Variants in EIF2AK2 observed in about 807,000 individuals in gnomAD.
EIF2AK2 encodes the protein interferon-induced, double-stranded RNA-activated protein kinase.
In EIF2AK2, 40 loss-of-function variants were observed where a neutral mutation model predicts 70.5. The observed-to-expected ratio is 0.57, with a 90% CI of 0.44 to 0.74. The LOEUF (loss-of-function observed/expected upper bound fraction) is 0.74. Ranked by LOEUF, EIF2AK2 falls within the 30% of genes least tolerant of loss-of-function variation. The probability of loss-of-function intolerance (pLI) is 0.00; values close to 1 mark genes in which losing one functional copy is unlikely to be tolerated. For synonymous variants in EIF2AK2, 198 were observed against 220.9 expected (o/e 0.90, Z 0.92); for missense variants, 555 against 644.3 (o/e 0.86, Z 1.50).
intron 12 of EIF2AK2, among the ~76,000 whole-genome samples, chr2:37,120,600 A>C (rs970639810): frequency 1.3e-5 from 2 of 149,846 alleles, no homozygotes; most frequent in Non-Finnish European, 3.0e-5. Context: ...TCAAAATATA[A>C]TAGGCCATTT....
intron 10 of EIF2AK2, among the ~76,000 whole-genome samples, chr2:37,129,794 A>G (rs1674876794): frequency 6.6e-6 from 1 of 152,166 alleles, no homozygotes; most frequent in Non-Finnish European, 1.5e-5. Flanking sequence ...AGGAAGGGAC[A>G]TCCTACACAA....
At chr2:37,126,171 T>C (rs2148683870) in intron 11 of EIF2AK2, 118 bp downstream of exon 11, 7 of 1,334,182 alleles carry the variant, frequency 5.2e-6, no homozygotes, top group East Asian at 4.9e-5. Context: ...ATGAAATGTT[T>C]AATGAGGATC....
intron 4 of EIF2AK2, among the ~76,000 whole-genome samples, chr2:37,144,486 C>A (rs1402676529): frequency 1.3e-5 from 2 of 152,044 alleles, no homozygotes; most frequent in Non-Finnish European, 2.9e-5. Flanking sequence ...TGAACACTTT[C>A]CAGAGGGACA....
intron 10 of EIF2AK2, among the ~76,000 whole-genome samples, chr2:37,132,614 T>G (rs1189859009): frequency 6.6e-6 from 1 of 151,940 alleles, no homozygotes; most frequent in Admixed American, 6.6e-5. Context: ...AAAAAACAAC[T>G]CTGTTATGGG....
intron 6 of EIF2AK2, among the ~76,000 whole-genome samples, chr2:37,138,830 C>T (rs893482765): frequency 6.6e-6 from 1 of 152,106 alleles, no homozygotes; most frequent in African/African-American, 2.4e-5. Context: ...GGATCTGGCT[C>T]TGTTGTCTAG....
At chr2:37,127,499 C>A (rs115014266) in intron 10 of EIF2AK2, among the ~76,000 whole-genome samples, 1 of 152,106 alleles carries the variant, frequency 6.6e-6, no homozygotes, top group Non-Finnish European at 1.5e-5. Context: ...TGGCACTGTG[C>A]CCCTCCTCAT....
intron 1 of EIF2AK2, among the ~76,000 whole-genome samples, chr2:37,154,635 G>A (rs1219082811): frequency 2.0e-5 from 3 of 151,876 alleles, no homozygotes; most frequent in South Asian, 2.1e-4. Flanking sequence ...ATCTCGGCTC[G>A]CTGCAACCTC....
chr2:37,138,222 G>A (rs557603921), intron 8 of EIF2AK2, 48 bp downstream of exon 8: 37 of 1,402,764 alleles, frequency 2.6e-5, no homozygotes, highest in East Asian at 1.2e-4. Context: ...ATGAGGAAAC[G>A]CACAGAAAAA....
chr2:37,109,021 G>T (rs1274394998), intron 15 of EIF2AK2, among the ~76,000 whole-genome samples, 173 bp downstream of exon 15: 1 of 152,144 alleles, frequency 6.6e-6, no homozygotes, highest in Non-Finnish European at 1.5e-5. Flanking sequence ...CTTTAAGAAA[G>T]TGTTTGGTCT....
chr2:37,148,482 C>T (rs538340046), intron 2 of EIF2AK2: 2 of 531,176 alleles, frequency 3.8e-6, no homozygotes, highest in East Asian at 7.7e-5. Context: ...AGCCCGTGAC[C>T]TAGATCTCTA....
At position 37,102,569 on chromosome 2, in the gene EIF2AK2, C is replaced by G. The variant is rs780483569; in HGVS notation, c.*4704G>C. 1 of 152,140 alleles carries G rather than the reference C, an allele frequency of 6.6e-6. No homozygotes were observed. The highest frequency in any genetic ancestry group is 1.5e-5 in the Non-Finnish European group (1 of 68,036). The allele number at this position is 152,140 out of a possible 1,614,324, so 9.4% of individuals were successfully genotyped here. On this transcript the variant is annotated 3_prime_UTR_variant, in exon 17 of 17. Transcript: ENST00000233057. ...CTTGTATGTAGCCTTTTAAACATTT[C>G]TTCTCAGATACATACATGCATATAT...
At chr2:37,127,635 C>A (rs1674788395) in intron 10 of EIF2AK2, among the ~76,000 whole-genome samples, 1 of 152,118 alleles carries the variant, frequency 6.6e-6, no homozygotes, top group South Asian at 2.1e-4. Flanking sequence ...ATCCATCAGG[C>A]CTCCCCACAA....
chr2:37,143,607 G>A (rs1023609105), intron 4 of EIF2AK2, among the ~76,000 whole-genome samples: 3 of 152,074 alleles, frequency 2.0e-5, no homozygotes, highest in Admixed American at 1.3e-4. Context: ...CTTATAGCTG[G>A]GTGTGGTGGC....
Position 37,151,204 on chromosome 2 carries a change from G to T in EIF2AK2, c.-183-2181C>A, listed in dbSNP as rs896770510. ...TTTACAAATCATATATCTGATGAGG[G>T]TCTAGTAACCAGATATATAAAGAAT... On this transcript the variant is annotated intron_variant, in intron 1 of 16. Coordinates refer to ENST00000233057, the MANE Select transcript of EIF2AK2 (RefSeq NM_001135651.3). Among the ~76,000 whole-genome samples the T allele has an allele frequency of 3.9e-5, 6 of 152,158 alleles. No homozygotes were observed. In the South Asian group the frequency reaches 1.2e-3, roughly 32 times the overall value.
chr2:37,127,110 A>C (rs577499274), intron 10 of EIF2AK2, among the ~76,000 whole-genome samples: 2 of 152,076 alleles, frequency 1.3e-5, no homozygotes, highest in South Asian at 4.1e-4. Flanking sequence ...ATACGCTCTA[A>C]GCCTGCCTAG....
intron 10 of EIF2AK2, among the ~76,000 whole-genome samples, chr2:37,132,447 G>C (rs1674976265): frequency 6.6e-6 from 1 of 152,138 alleles, no homozygotes; most frequent in Non-Finnish European, 1.5e-5. Context: ...AAATTAGCCA[G>C]CCATGGTGGT....
At chr2:37,108,723 C>A (rs4648241) in intron 15 of EIF2AK2, among the ~76,000 whole-genome samples, 147 of 152,268 alleles carry the variant, frequency 9.7e-4, no homozygotes, top group African/African-American at 3.4e-3. Context: ...GTGTGCACCA[C>A]CACACCCAGC....
intron 2 of EIF2AK2, chr2:37,148,559 C>T (rs903130197): frequency 3.0e-5 from 23 of 755,868 alleles, no homozygotes; most frequent in Admixed American, 9.6e-5. Flanking sequence ...AGTCCAGCTT[C>T]GTACTACAAA....
chr2:37,115,731 A>AATTTC (rs1401510507), intron 13 of EIF2AK2, among the ~76,000 whole-genome samples: 4 of 152,206 alleles, frequency 2.6e-5, no homozygotes, highest in African/African-American at 4.8e-5. Context: ...GCCTGTGCAG[A>AATTTC]ATTTCTCTTG....
Sources: gnomAD v4.1 joint callset for allele counts (sites outside exome capture counted in the v4.1 genomes callset) on GRCh38, gnomAD v4.1.1 for gene constraint, MANE v1.5 for transcripts, NCBI Gene and HGNC (gene_info 2026-07-23, HGNC 2026-07-21) for gene names.